The following DPRX variants were observed in gnomAD, a reference collection of about 807,000 sequenced individuals.
DPRX encodes divergent-paired related homeobox.
DPRX carries 11 observed loss-of-function variants against 8.4 expected under a neutral mutation model. The ratio of observed to expected loss-of-function variants is 1.31; its 90% CI spans 0.82 to 2.17. The LOEUF (loss-of-function observed/expected upper bound fraction) is 2.17. Ranked by LOEUF, DPRX falls within the 30% of genes most tolerant of loss-of-function variation. The pLI is 0.00. For synonymous variants in DPRX, 72 were observed against 87.0 expected, an observed-to-expected ratio of 0.83 and a Z score of 0.96; for missense variants, 211 against 236.7, an observed-to-expected ratio of 0.89 and a Z score of 0.71.
exon 3 of DPRX, chr19:53,636,760 G>A (rs762206233): frequency 1.7e-5 from 27 of 1,614,046 alleles, no homozygotes; most frequent in Middle Eastern, 3.3e-4. Context: ...CTGCTCACCC[G>A]ATCGGCCTGG....
chr19:53,614,239 T>C, the DPRX span, among the ~76,000 whole-genome samples: 107 of 152,272 alleles, frequency 7.0e-4, no homozygotes, highest in Non-Finnish European at 1.2e-3. Flanking sequence ...CGTGAGCCAC[T>C]GCACCTGGCC....
chr19:53,618,098 CT>C, the DPRX span, among the ~76,000 whole-genome samples: 2,991 of 150,442 alleles, frequency 0.02, 44 homozygotes, highest in South Asian at 0.078. Flanking sequence ...GCCTAGATCG[CT>C]GCCACTGCAC....
At chr19:53,627,900 C>A (rs559908817), upstream of DPRX, among the ~76,000 whole-genome samples, 3 of 151,382 alleles carry the variant, frequency 2.0e-5, no homozygotes, top group Non-Finnish European at 4.4e-5. Flanking sequence ...GGCATGGTGG[C>A]GCTTGCCTGT....
the DPRX span, among the ~76,000 whole-genome samples, chr19:53,622,748 T>C: frequency 2.0e-5 from 3 of 152,138 alleles, no homozygotes. Context: ...GGTGAAAGTG[T>C]TCCCTCTTCA....
At chr19:53,611,378 C>A in the DPRX span, among the ~76,000 whole-genome samples, 3,596 of 151,958 alleles carry the variant, frequency 0.024, 145 homozygotes, top group African/African-American at 0.081. Flanking sequence ...GACTATAGTC[C>A]CACATTACCA....
the DPRX span, among the ~76,000 whole-genome samples, chr19:53,614,216 C>T: frequency 6.6e-6 from 1 of 152,190 alleles, no homozygotes; most frequent in African/African-American, 2.4e-5. Flanking sequence ...TCCCAAAGTG[C>T]TGGGATTACA....
the DPRX span, chr19:53,617,048 A>G: frequency 1.6e-6 from 2 of 1,251,184 alleles, no homozygotes; most frequent in Non-Finnish European, 2.4e-6. Flanking sequence ...GTAAGTGGAC[A>G]ATATTATTAT....
the DPRX span, among the ~76,000 whole-genome samples, chr19:53,625,194 G>A: frequency 2.6e-5 from 4 of 151,548 alleles, no homozygotes; most frequent in Admixed American, 2.0e-4. Flanking sequence ...AGGACTATAG[G>A]TGCATGCCTC....
At chr19:53,604,085 C>T in the DPRX span, among the ~76,000 whole-genome samples, 604 of 152,094 alleles carry the variant, frequency 4.0e-3, 3 homozygotes, top group Non-Finnish European at 6.6e-3. Context: ...CTTCAAGTAG[C>T]GGCATTCCAC....
the DPRX span, among the ~76,000 whole-genome samples, chr19:53,601,728 C>T: frequency 6.2e-3 from 937 of 152,052 alleles, 15 homozygotes; most frequent in African/African-American, 0.021. Context: ...GTGATCCACC[C>T]GCCTTGGCCT....
the DPRX span, chr19:53,601,898 AC>A: frequency 2.5e-6 from 1 of 392,174 alleles, no homozygotes; most frequent in Non-Finnish European, 5.1e-6. Context: ...GTTTTTCGCA[AC>A]TGCCCTTTTT....
chr19:53,610,151 CAAAAA>C, the DPRX span, among the ~76,000 whole-genome samples: 5 of 77,704 alleles, frequency 6.4e-5, 1 homozygote, highest in South Asian at 4.9e-4. Context: ...AACTGTGTCT[CAAAAA>C]AAAAAAAAAA....
the DPRX span, among the ~76,000 whole-genome samples, chr19:53,623,016 C>T: frequency 2.0e-5 from 3 of 152,202 alleles, no homozygotes; most frequent in South Asian, 6.2e-4. Context: ...TTTAAAAAGC[C>T]ATTCCTGGGC....
At chr19:53,624,141 G>A in the DPRX span, among the ~76,000 whole-genome samples, 43 of 130,368 alleles carry the variant, frequency 3.3e-4, no homozygotes, top group African/African-American at 1.2e-3. Flanking sequence ...AGGCTGGAGT[G>A]CAGTGGCGCA....
chr19:53,610,301 C>T, the DPRX span, among the ~76,000 whole-genome samples: 1 of 148,480 alleles, frequency 6.7e-6, no homozygotes, highest in Non-Finnish European at 1.5e-5. Context: ...GCCTGGGCGA[C>T]AGAGCAAGAC....
intron 1 of DPRX, 81 bp from the exon 2 acceptor site, chr19:53,634,450 T>A: frequency 6.6e-7 from 1 of 1,517,326 alleles, no homozygotes; most frequent in Non-Finnish European, 8.9e-7. Flanking sequence ...TGTACCTCAG[T>A]GGAAAGGAAA....
At chr19:53,628,516 T>C (rs1051658231), upstream of DPRX, among the ~76,000 whole-genome samples, 5 of 152,098 alleles carry the variant, frequency 3.3e-5, no homozygotes, top group Admixed American at 1.3e-4. Context: ...CATTTAAAAA[T>C]AAGCGGTTCG....
At chr19:53,628,954 C>G (rs112222022), upstream of DPRX, among the ~76,000 whole-genome samples, 82 of 152,090 alleles carry the variant, frequency 5.4e-4, no homozygotes, top group Non-Finnish European at 9.4e-4. Context: ...CTCCTCCTCC[C>G]GGCCTGTCCA....
the DPRX span, among the ~76,000 whole-genome samples, chr19:53,622,341 G>A: frequency 6.6e-6 from 1 of 152,048 alleles, no homozygotes; most frequent in East Asian, 1.9e-4. Context: ...TTAGTTAAGA[G>A]AGAGAGAGAG....
Sources: allele counts gnomAD v4.1 joint callset (sites outside exome capture counted in the v4.1 genomes callset), GRCh38; gene constraint gnomAD v4.1.1; transcripts MANE v1.5; gene names NCBI Gene and HGNC (gene_info 2026-07-23, HGNC 2026-07-21).